Variants in ANO5 observed in about 807,000 individuals in gnomAD.
ANO5 encodes anoctamin-5.
Under a neutral mutation model 121.0 loss-of-function variants are expected in ANO5, and 109 were observed. The ratio of observed to expected loss-of-function variants is 0.90; its 90% CI spans 0.77 to 1.06. The LOEUF is 1.06. Among genes scored for constraint, ANO5 ranks in the 50% least tolerant of loss-of-function variants. The pLI is 0.00. For missense variants in ANO5, 1,064 were observed against 1,078.5 expected (o/e 0.99, Z 0.19); for synonymous variants, 406 against 359.9 (o/e 1.13, Z -1.45).
At chr11:22,226,699 C>T (rs779482804) in intron 6 of ANO5, among the ~76,000 whole-genome samples, 9 of 152,014 alleles carry the variant, frequency 5.9e-5, no homozygotes, top group Non-Finnish European at 1.3e-4. Flanking sequence ...AACAGAGTGA[C>T]GCTCTGTCTT....
rs1205461126 is a variant in ANO5, at chr11:22,193,167, A to G, written c.-326A>G. The G allele has an allele frequency of 8.4e-7, 1 of 1,193,312 alleles. No homozygotes were observed. Among genetic ancestry groups the G allele is most frequent in the East Asian group, 4.7e-5 (1 of 21,080 alleles). 73.9% of individuals were successfully genotyped at this position (1,193,312 alleles called of 1,614,324 possible). On this transcript the variant is annotated 5_prime_UTR_variant, in exon 1 of 22. Transcript: ENST00000324559. ...AGGCACAGGGACAGGTGCCTGGAGA[A>G]GTACTGGGAGAGCGCCCAGGAGCGC...
intron 9 of ANO5, among the ~76,000 whole-genome samples, chr11:22,243,706 G>A (rs1853510265): frequency 3.1e-5 from 1 of 31,764 alleles, no homozygotes; most frequent in African/African-American, 6.1e-5. Flanking sequence ...TATGTGCATA[G>A]AACTTTTCAT....
intron 1 of ANO5, among the ~76,000 whole-genome samples, chr11:22,197,903 G>A (rs902696413): frequency 1.3e-5 from 2 of 152,186 alleles, no homozygotes. Flanking sequence ...AGCTGACAGA[G>A]TTGTTGGCTT....
At chr11:22,205,164 T>C (rs1852076330) in intron 2 of ANO5, among the ~76,000 whole-genome samples, 1 of 151,768 alleles carries the variant, frequency 6.6e-6, no homozygotes, top group African/African-American at 2.4e-5. Context: ...CACAGATACA[T>C]AGAGGGAAAC....
intron 5 of ANO5, among the ~76,000 whole-genome samples, chr11:22,223,905 T>G (rs1050452819): frequency 2.6e-5 from 4 of 151,944 alleles, no homozygotes; most frequent in Non-Finnish European, 4.4e-5. Flanking sequence ...CAATTATATA[T>G]TAAACCTATT....
intron 2 of ANO5, among the ~76,000 whole-genome samples, chr11:22,207,174 A>G (rs1228352972): frequency 1.3e-5 from 2 of 152,128 alleles, no homozygotes; most frequent in East Asian, 3.9e-4. Context: ...ATGACATTTC[A>G]TAGACATAGG....
At position 22,227,480 on chromosome 11, in the gene ANO5, A is replaced by G. The variant is rs915766003; in HGVS notation, c.542A>G (p.Tyr181Cys). 1.2e-6 allele frequency: 2 copies of G among 1,613,498 alleles called. No homozygotes were observed. The highest frequency in any genetic ancestry group is 2.7e-5 in the African/African-American group (2 of 74,856). Residue 181 changes from tyrosine to cysteine, a missense_variant, in exon 7 of 22, where the codon TAT (tyrosine) becomes TGT (cysteine). Tyr to Cys is a radical substitution (Grantham distance 194, BLOSUM62 -2). Transcript: ENST00000324559. ...GTAAGACTCCCACTGAGTGTGAAGT[A>G]TCCCCATCCTGAATATTTTACTGCA... ...GPVRLPLSVKYPHPEYFTAQF... is the reference protein window; with the variant it reads ...GPVRLPLSVKCPHPEYFTAQF...
intron 15 of ANO5, chr11:22,261,756 C>T (rs1329271696): frequency 5.5e-5 from 13 of 237,902 alleles, no homozygotes; most frequent in Non-Finnish European, 9.1e-5. Flanking sequence ...ATTCAATGGC[C>T]TCCCACCAGG....
chr11:22,276,178 G>A lies in ANO5; in HGVS notation c.2499G>A (p.Met833Ile), dbSNP rs920490185. 1.2e-6 allele frequency: 2 copies of A among 1,610,150 alleles called. No homozygotes were observed. Among genetic ancestry groups the A allele is most frequent in the Non-Finnish European group, 8.5e-7 (1 of 1,177,188 alleles). ...TCTGGCATGTCCTTGCTGCCAAGAT[G>A]ACCTTCATCATTGTTATGGAAGTAA... ...MQFWHVLAAK[M>I]TFIIVMEHVV... Residue 833 changes from methionine to isoleucine, a missense_variant, in exon 21 of 22, where the codon ATG becomes ATA. Physicochemically the swap from Met to Ile is conservative, Grantham distance 10. Coordinates refer to ENST00000324559, the MANE Select transcript of ANO5 (RefSeq NM_213599.3).
chr11:22,203,832 C>T lies in ANO5; in HGVS notation c.69C>T (p.Tyr23=), dbSNP rs762035813. The change falls in exon 2 of 22, where the codon TAC becomes TAT. Residue 23 remains tyrosine (Y), a synonymous_variant. Transcript: ENST00000324559. ...AAAAAGTCAATAAGCATATAGACTA[C>T]TCTTTCCAAATGAGTGAGGTAAGTT... ...EGEKVNKHID[Y]SFQMSEQSLS... is the part of the protein sequence containing the mutation. 1 of 1,476,610 alleles carries T rather than the reference C, an allele frequency of 6.8e-7. No individual in the cohort carries two copies. The highest frequency in any genetic ancestry group is 9.4e-7 in the Non-Finnish European group (1 of 1,061,324). 91.5% of individuals were successfully genotyped at this position (1,476,610 alleles called of 1,614,324 possible).
Position 22,276,186 on chromosome 11 carries a change from T to C in ANO5, c.2507T>C (p.Ile836Thr), listed in dbSNP as rs781289266. ...GTCCTTGCTGCCAAGATGACCTTCA[T>C]CATTGTTATGGAAGTAAGCTGTTCT... is the stretch of plus-strand genomic sequence containing the variant. ...WHVLAAKMTF[I>T]IVMEHVVFLV... The change falls in exon 21 of 22, where the codon ATC becomes ACC. Residue 836 changes from isoleucine (I) to threonine (T), a missense_variant. By Grantham distance (89) the Ile-to-Thr change is moderately conservative (BLOSUM62 -1). Transcript: ENST00000324559. The C allele has an allele frequency of 1.2e-6, 2 of 1,609,128 alleles. No homozygotes were observed. Among genetic ancestry groups the C allele is most frequent in the African/African-American group, 1.3e-5 (1 of 74,778 alleles).
intron 7 of ANO5, among the ~76,000 whole-genome samples, chr11:22,229,168 T>C (rs1428667592): frequency 3.3e-5 from 5 of 151,970 alleles, no homozygotes; most frequent in African/African-American, 1.2e-4. Context: ...ACACTTTCTC[T>C]AGGTACTCTC....
chr11:22,253,313 C>A (rs191117707), intron 12 of ANO5, among the ~76,000 whole-genome samples: 23 of 152,062 alleles, frequency 1.5e-4, no homozygotes, highest in African/African-American at 5.5e-4. Flanking sequence ...ACTCTTTTTG[C>A]TAACTATTTT....
chr11:22,245,846 A>T (rs1177633707), intron 9 of ANO5, among the ~76,000 whole-genome samples: 3 of 152,152 alleles, frequency 2.0e-5, no homozygotes, highest in Non-Finnish European at 4.4e-5. Flanking sequence ...ACATGAGGTC[A>T]GGGGTAGCAT....
intron 7 of ANO5, among the ~76,000 whole-genome samples, chr11:22,232,396 G>A (rs1853072968): frequency 6.6e-6 from 1 of 151,784 alleles, no homozygotes; most frequent in Non-Finnish European, 1.5e-5. Flanking sequence ...TCAATTTGCA[G>A]TAGTTATTTA....
chr11:22,202,293 AT>A (rs903901130), intron 1 of ANO5, among the ~76,000 whole-genome samples: 13 of 152,166 alleles, frequency 8.5e-5, no homozygotes, highest in African/African-American at 3.1e-4. Flanking sequence ...TTTGGACTTT[AT>A]TCCCTAGCTG....
chr11:22,274,864 C>A, intron 20 of ANO5, 117 bp downstream of exon 20: 2 of 1,299,870 alleles, frequency 1.5e-6, no homozygotes, highest in Non-Finnish European at 2.1e-6. Flanking sequence ...AACAAAAATC[C>A]TGTATAAATA....
intron 17 of ANO5, among the ~76,000 whole-genome samples, chr11:22,264,626 T>A (rs1854303088): frequency 6.6e-6 from 1 of 152,102 alleles, no homozygotes; most frequent in African/African-American, 2.4e-5. Context: ...CAGCTGATAT[T>A]TCTAACTAGA....
chr11:22,259,843 C>A, intron 15 of ANO5, 102 bp downstream of exon 15: 2 of 1,176,964 alleles, frequency 1.7e-6, no homozygotes, highest in Admixed American at 2.0e-5. Flanking sequence ...TCAAAGGACA[C>A]ATTTTAAGGC....
Sources: allele counts gnomAD v4.1 joint callset (sites outside exome capture counted in the v4.1 genomes callset), GRCh38; gene constraint gnomAD v4.1.1; transcripts MANE v1.5; gene names NCBI Gene and HGNC (gene_info 2026-07-23, HGNC 2026-07-21).